The following GLRX3 variants were observed in gnomAD, a reference collection of about 807,000 sequenced individuals.
The protein encoded by GLRX3 is glutaredoxin-3.
A neutral mutation model predicts 49.5 loss-of-function variants in GLRX3; 22 were observed. The observed-to-expected ratio is 0.44, with a 90% CI of 0.32 to 0.63. GLRX3 has a LOEUF of 0.63. Ranked by LOEUF, GLRX3 falls within the 30% of genes least tolerant of loss-of-function variation. GLRX3 has a pLI of 0.05. For synonymous variants in GLRX3, 133 were observed against 140.0 expected (o/e 0.95, Z 0.35); for missense variants, 385 against 396.3 (o/e 0.97, Z 0.24).
chr10:130,167,588 T>C lies in GLRX3; in HGVS notation c.713+608T>C, dbSNP rs1305761984. Among the ~76,000 whole-genome samples the C allele has an allele frequency of 5.3e-5, 8 of 152,346 alleles. No homozygotes were observed. The South Asian group carries it at 1.4e-3, about 28-fold the overall frequency. On this transcript the variant is annotated intron_variant, in intron 6 of 10. Transcript: ENST00000331244. The stretch of plus-strand genomic sequence containing the variant: ...TGTGTAAGGCAACTTAATGGGATTT[T>C]TATTGCAGTAAAATTAATATAGAAC...
At chr10:130,174,784 T>G in intron 8 of GLRX3, 83 bp from the exon 9 acceptor site, 3 of 877,084 alleles carry the variant, frequency 3.4e-6, no homozygotes, top group Non-Finnish European at 5.6e-6. Context: ...TTTTCTTGAT[T>G]ATTTTAAAAA....
chr10:130,176,885 G>T (rs1373521075), intron 10 of GLRX3, among the ~76,000 whole-genome samples: 2 of 151,298 alleles, frequency 1.3e-5, no homozygotes, highest in African/African-American at 4.9e-5. Flanking sequence ...ATGTTTTATA[G>T]CCTGTACCTT....
intron 10 of GLRX3, among the ~76,000 whole-genome samples, chr10:130,177,432 T>G (rs1040255067): frequency 3.9e-5 from 6 of 152,220 alleles, no homozygotes; most frequent in South Asian, 4.1e-4. Context: ...GACTGCCTTA[T>G]TTGGCGCGCT....
At chr10:130,178,466 G>A (rs1396868900) in intron 10 of GLRX3, among the ~76,000 whole-genome samples, 1 of 151,926 alleles carries the variant, frequency 6.6e-6, no homozygotes. Flanking sequence ...TGTTGGCCAG[G>A]CTGGGCTTGA....
At chr10:130,167,444 C>T (rs1862714936) in intron 6 of GLRX3, among the ~76,000 whole-genome samples, 1 of 152,232 alleles carries the variant, frequency 6.6e-6, no homozygotes, top group African/African-American at 2.4e-5. Flanking sequence ...TTCTCATGGC[C>T]TTTCTAGACC....
At position 130,169,366 on chromosome 10, in the gene GLRX3, C is replaced by T. The variant is rs1051976707; in HGVS notation, c.714-67C>T. ...ATCCCTCAAATATGCATGTTACTCA[C>T]GAAGCGGAGGAAAAGTGGTGTTGCA... On this transcript the variant is annotated intron_variant, in intron 6 of 10. Transcript: ENST00000331244. 64 of 939,470 alleles carry T rather than the reference C, an allele frequency of 6.8e-5. No homozygotes were observed. In the Admixed American group the frequency reaches 7.9e-4, roughly 12 times the overall value. 58.2% of individuals were successfully genotyped at this position (939,470 alleles called of 1,614,324 possible). A position where few individuals can be genotyped will look rare whatever the true frequency, so the allele number is the denominator to read the frequency against.
chr10:130,167,230 G>A (rs73391516), intron 6 of GLRX3, among the ~76,000 whole-genome samples: 1,841 of 152,252 alleles, frequency 0.012, 33 homozygotes, highest in African/African-American at 0.042. Context: ...TGTTTCTGTG[G>A]AACAACCAAG....
chr10:130,159,900 T>A (rs1250473036), intron 2 of GLRX3, 95 bp from the exon 3 acceptor site: 2 of 1,258,142 alleles, frequency 1.6e-6, no homozygotes, highest in Non-Finnish European at 2.3e-6. Context: ...AAATGCCAGC[T>A]ACTTGAAGGG....
chr10:130,167,554 G>GCAAC (rs769829812), intron 6 of GLRX3, among the ~76,000 whole-genome samples: 1 of 152,098 alleles, frequency 6.6e-6, no homozygotes, highest in Non-Finnish European at 1.5e-5. Flanking sequence ...CAGAAATGTT[G>GCAAC]GACTTTGGTG....
chr10:130,158,603 AAGAC>A (rs955847722), intron 2 of GLRX3, among the ~76,000 whole-genome samples: 2 of 152,324 alleles, frequency 1.3e-5, no homozygotes, highest in African/African-American at 4.8e-5. Flanking sequence ...TGTTAGTTGA[AAGAC>A]AGAAAATAAT....
At chr10:130,159,116 CAATA>C (rs1220310079) in intron 2 of GLRX3, among the ~76,000 whole-genome samples, 1 of 152,066 alleles carries the variant, frequency 6.6e-6, no homozygotes, top group Non-Finnish European at 1.5e-5. Context: ...TATAATTTAT[CAATA>C]AATTTTATTT....
At chr10:130,163,727 G>GGTTT (rs1862621646) in intron 4 of GLRX3, among the ~76,000 whole-genome samples, 1 of 152,136 alleles carries the variant, frequency 6.6e-6, no homozygotes, top group African/African-American at 2.4e-5. Context: ...GGGAACATAA[G>GGTTT]TCACCTCGAC....
At chr10:130,166,370 A>G (rs907623285) in intron 4 of GLRX3, 137 bp from the exon 5 acceptor site, 39 of 604,972 alleles carry the variant, frequency 6.4e-5, no homozygotes, top group African/African-American at 6.1e-4. Context: ...TTATTCAGCC[A>G]TGCTAATTAA....
intron 2 of GLRX3, among the ~76,000 whole-genome samples, chr10:130,149,115 G>T (rs1340666388): frequency 2.0e-5 from 3 of 152,070 alleles, no homozygotes; most frequent in African/African-American, 7.2e-5. Flanking sequence ...TTTATAATGG[G>T]TGGTGTTCCA....
At chr10:130,179,811 C>G (rs1862991439), downstream of GLRX3, 1 of 174,766 alleles carries the variant, frequency 5.7e-6, no homozygotes, top group Non-Finnish European at 1.2e-5. Context: ...TGGCTCCCCT[C>G]GCTGGTGAAA....
chr10:130,136,836 C>A (rs1035185605), intron 1 of GLRX3, among the ~76,000 whole-genome samples: 1 of 152,108 alleles, frequency 6.6e-6, no homozygotes, highest in Non-Finnish European at 1.5e-5. Context: ...GGCCCCGCCG[C>A]GGGACGGAGG....
chr10:130,159,798 T>C (rs766163194), intron 2 of GLRX3, 197 bp from the exon 3 acceptor site: 1 of 1,332,096 alleles, frequency 7.5e-7, no homozygotes, highest in African/African-American at 1.5e-5. Flanking sequence ...TGAACCTGTT[T>C]TGACACTGCA....
chr10:130,136,997 A>G (rs1862067794), intron 1 of GLRX3, among the ~76,000 whole-genome samples: 1 of 152,330 alleles, frequency 6.6e-6, no homozygotes, highest in South Asian at 2.1e-4. Context: ...GCGTCGGCCC[A>G]TTGCTCTTCA....
chr10:130,148,059 CTTTT>C (rs1372017358), intron 2 of GLRX3, among the ~76,000 whole-genome samples: 3 of 152,108 alleles, frequency 2.0e-5, no homozygotes, highest in African/African-American at 7.2e-5. Context: ...AAACAGCTTT[CTTTT>C]TGTTAATGAG....
Sources: gnomAD v4.1 joint callset for allele counts (sites outside exome capture counted in the v4.1 genomes callset) on GRCh38, gnomAD v4.1.1 for gene constraint, MANE v1.5 for transcripts, NCBI Gene and HGNC (gene_info 2026-07-23, HGNC 2026-07-21) for gene names.